The following DENND5B variants were observed in gnomAD, a reference collection of about 807,000 sequenced individuals.
DENND5B encodes the protein DENN domain containing 5B, also known as DENN domain-containing protein 5B.
Under a neutral mutation model 140.6 loss-of-function variants are expected in DENND5B, and 34 were observed. The ratio of observed to expected loss-of-function variants is 0.24; its 90% confidence interval spans 0.18 to 0.32. The LOEUF (loss-of-function observed/expected upper bound fraction) is 0.32, where lower values mean the gene tolerates loss of function less well. Among genes scored for constraint, DENND5B ranks in the 10% least tolerant of loss-of-function variants. The pLI, the probability that DENND5B is intolerant of heterozygous loss-of-function variation, is 1.00. For synonymous variants in DENND5B, 551 were observed against 562.1 expected, an observed-to-expected ratio of 0.98 and a Z score of 0.28; for missense variants, 1,142 against 1,560.2, an observed-to-expected ratio of 0.73 and a Z score of 4.52.
intron 19 of DENND5B, among the ~76,000 whole-genome samples, 174 bp downstream of exon 19, chr12:31,392,093 C>T (rs756775729): frequency 6.0e-5 from 9 of 150,444 alleles, no homozygotes; most frequent in East Asian, 1.9e-4. Flanking sequence ...GAGCCAAGAC[C>T]GCACCACTGC....
chr12:31,503,854 T>C (rs1947098885), intron 1 of DENND5B, among the ~76,000 whole-genome samples: 1 of 152,202 alleles, frequency 6.6e-6, no homozygotes, highest in African/African-American at 2.4e-5. Flanking sequence ...AAAACAAAGC[T>C]AAGTCTCACA....
At chr12:31,390,034 T>C (rs1283527757) in intron 19 of DENND5B, among the ~76,000 whole-genome samples, 1 of 152,186 alleles carries the variant, frequency 6.6e-6, no homozygotes, top group Non-Finnish European at 1.5e-5. Flanking sequence ...GGCCTATCTC[T>C]GACAACTTTC....
At chr12:31,529,204 G>C (rs1364104399) in intron 1 of DENND5B, among the ~76,000 whole-genome samples, 1 of 151,180 alleles carries the variant, frequency 6.6e-6, no homozygotes, top group African/African-American at 2.4e-5. Context: ...ATGAGGTATT[G>C]GATGAGATAA....
intron 6 of DENND5B, 147 bp from the exon 7 acceptor site, chr12:31,443,072 G>A (rs1366893223): frequency 9.2e-5 from 63 of 683,180 alleles, no homozygotes; most frequent in African/African-American, 7.3e-5. Context: ...GTGCACGCAC[G>A]CACGCATATA....
intron 5 of DENND5B, among the ~76,000 whole-genome samples, chr12:31,449,973 C>T (rs916211339): frequency 1.3e-5 from 2 of 152,070 alleles, no homozygotes; most frequent in African/African-American, 2.4e-5. Context: ...CCTTGTGATT[C>T]GCCCGCCTCA....
chr12:31,516,255 C>T (rs1329565130), intron 1 of DENND5B, among the ~76,000 whole-genome samples: 1 of 151,958 alleles, frequency 6.6e-6, no homozygotes, highest in Non-Finnish European at 1.5e-5. Context: ...GTGGGCAGAT[C>T]ACTTGAGCCC....
intron 1 of DENND5B, among the ~76,000 whole-genome samples, chr12:31,554,284 A>G (rs1429317403): frequency 2.0e-5 from 3 of 151,920 alleles, no homozygotes; most frequent in Admixed American, 6.6e-5. Context: ...CTCAGCATTT[A>G]CTTGTCTGTA....
rs567025668 is a variant in DENND5B at position 31,427,063 on chromosome 12, G to T, written c.2107-639C>A. Reference sequence around the variant, plus strand: ...AAAGGCTATAGGATCACTCTGAAAAGCACGATGTGCTCCAAGTGAAGGTGG... The same window carrying T: ...AAAGGCTATAGGATCACTCTGAAAATCACGATGTGCTCCAAGTGAAGGTGG... On this transcript the variant is annotated intron_variant, in intron 8 of 20. Coordinates refer to ENST00000389082, the MANE Select transcript of DENND5B (RefSeq NM_144973.4). Among the ~76,000 whole-genome samples, 6 of 152,262 alleles carry T rather than the reference G, an allele frequency of 3.9e-5. No individual in the cohort carries two copies. In the South Asian group the frequency reaches 1.2e-3, roughly 32 times the overall value.
In DENND5B at chr12:31,442,930, A is replaced by G. The variant is rs1167025247; in HGVS notation, c.1862-5T>C. On this transcript the variant is annotated splice_region_variant and splice_polypyrimidine_tract_variant and intron_variant, in intron 6 of 20. Transcript: ENST00000389082. ...GTCTCTGCTCAATTGATTGGGCTAT[A>G]AATTAAATTTATAATAAATTAGAGA... 1.3e-6 allele frequency: 2 copies of G among 1,550,318 alleles called. No homozygotes were observed. The highest frequency in any genetic ancestry group is 2.7e-5 in the African/African-American group (2 of 72,796).
chr12:31,534,453 G>A (rs1948411103), intron 1 of DENND5B, among the ~76,000 whole-genome samples: 1 of 151,978 alleles, frequency 6.6e-6, no homozygotes, highest in Admixed American at 6.6e-5. Context: ...GTCATGTCAA[G>A]TTTTTAGGTC....
intron 12 of DENND5B, among the ~76,000 whole-genome samples, chr12:31,414,658 C>T (rs1374022840): frequency 5.9e-5 from 9 of 151,996 alleles, no homozygotes; most frequent in African/African-American, 2.2e-4. Flanking sequence ...CTCGGCCGGG[C>T]ACAGTGGCTC....
At chr12:31,403,694 G>C (rs1382031198) in intron 14 of DENND5B, among the ~76,000 whole-genome samples, 1 of 150,906 alleles carries the variant, frequency 6.6e-6, no homozygotes, top group Non-Finnish European at 1.5e-5. Context: ...TCAGGAGCTT[G>C]AGACCAGGCT....
chr12:31,518,024 A>C (rs1947732152), intron 1 of DENND5B, among the ~76,000 whole-genome samples: 2 of 152,144 alleles, frequency 1.3e-5, no homozygotes, highest in Non-Finnish European at 2.9e-5. Flanking sequence ...TGAGTTCCCA[A>C]AGGTAGATCT....
intron 3 of DENND5B, among the ~76,000 whole-genome samples, chr12:31,476,694 G>A (rs917393927): frequency 3.3e-5 from 5 of 152,074 alleles, no homozygotes; most frequent in African/African-American, 1.2e-4. Flanking sequence ...ATGGGAGGAT[G>A]GTGTGAGCTG....
At chr12:31,426,720 GT>G (rs1328366392) in intron 8 of DENND5B, 3 of 270,798 alleles carry the variant, frequency 1.1e-5, no homozygotes, top group African/African-American at 2.2e-5. Flanking sequence ...AATACAAAAG[GT>G]TGTGAAGTCA....
chr12:31,385,569 C>G lies in DENND5B; in HGVS notation c.*2034G>C, dbSNP rs1242108438. ...TAAAACAGGTTCTGGATATCTCCCACGATAAACTTCCCATGTCCCTGGAAG... is the reference window on the plus strand; with the variant it reads ...TAAAACAGGTTCTGGATATCTCCCAGGATAAACTTCCCATGTCCCTGGAAG... On this transcript the variant is annotated 3_prime_UTR_variant, in exon 21 of 21. Transcript: ENST00000389082. 1 of 152,260 alleles carries G rather than the reference C, an allele frequency of 6.6e-6. No individual in the cohort carries two copies. Among genetic ancestry groups the G allele is most frequent in the Non-Finnish European group, 1.5e-5 (1 of 68,074 alleles). The allele number at this position is 152,260 out of a possible 1,614,324, so 9.4% of individuals were successfully genotyped here.
chr12:31,396,067 T>G (rs1281185094), intron 17 of DENND5B, among the ~76,000 whole-genome samples: 2 of 143,762 alleles, frequency 1.4e-5, no homozygotes, highest in Non-Finnish European at 3.0e-5. Context: ...TTTTTTTTTT[T>G]TTTTTTTTTT....
chr12:31,573,109 G>A (rs1199954965), intron 1 of DENND5B, among the ~76,000 whole-genome samples: 2 of 152,122 alleles, frequency 1.3e-5, no homozygotes, highest in Admixed American at 1.3e-4. Context: ...AGGGTCAAAA[G>A]GCAGAGGTCA....
In DENND5B at chr12:31,460,341, T is replaced by G; in HGVS notation, c.945A>C (p.Thr315=). 6.2e-7 allele frequency: 1 copy of G among 1,613,742 alleles called. No homozygotes were observed. Among genetic ancestry groups the G allele is most frequent in the Non-Finnish European group, 8.5e-7 (1 of 1,179,830 alleles). The change falls in exon 4 of 21, where the codon ACA becomes ACC. Residue 315 remains threonine, a synonymous_variant. Transcript: ENST00000389082. ...RLMTVAEGIT[T]LLFPFQWQHV... ...GTTGCCATTGAAATGGGAACAAAAG[T>G]GTGGTGATGCCTTCTGCCACAGTCA... is the stretch of plus-strand genomic sequence containing the variant.
Sources: gnomAD v4.1 joint callset for allele counts (sites outside exome capture counted in the v4.1 genomes callset) on GRCh38, gnomAD v4.1.1 for gene constraint, MANE v1.5 for transcripts, NCBI Gene and HGNC (gene_info 2026-07-23, HGNC 2026-07-21) for gene names.